The following ESRRG variants were observed in gnomAD, a reference collection of about 807,000 sequenced individuals.
ESRRG encodes estrogen-related receptor gamma.
A neutral mutation model predicts 44.0 loss-of-function variants in ESRRG; 13 were observed. That is an observed-to-expected ratio of 0.30 (90% CI 0.19 to 0.47). The LOEUF (loss-of-function observed/expected upper bound fraction) is 0.47. ESRRG is among the 20% of genes least tolerant of loss of function. The probability of loss-of-function intolerance (pLI) is 1.00; values close to 1 mark genes in which losing one functional copy is unlikely to be tolerated. For synonymous variants in ESRRG, 215 were observed against 214.6 expected, an observed-to-expected ratio of 1.00 and a Z score of -0.02; for missense variants, 395 against 580.6, an observed-to-expected ratio of 0.68 and a Z score of 3.29.
intron 3 of ESRRG, among the ~76,000 whole-genome samples, chr1:216,643,766 T>G (rs2066929897): frequency 6.6e-6 from 1 of 152,210 alleles, no homozygotes; most frequent in African/African-American, 2.4e-5. Context: ...AACAGAATCC[T>G]AAGGAAAAGT....
chr1:216,652,249 A>C (rs1390762057), intron 2 of ESRRG, among the ~76,000 whole-genome samples: 4 of 152,182 alleles, frequency 2.6e-5, no homozygotes, highest in Admixed American at 6.5e-5. Flanking sequence ...CGCAGATTCT[A>C]GTAATTAGCA....
chr1:216,808,139 G>T (rs1329272769), intron 2 of ESRRG, among the ~76,000 whole-genome samples: 1 of 151,980 alleles, frequency 6.6e-6, no homozygotes, highest in Non-Finnish European at 1.5e-5. Context: ...TTCAGGGAGG[G>T]GTCTCTTTGA....
At chr1:216,655,206 T>A (rs1178944146) in intron 2 of ESRRG, among the ~76,000 whole-genome samples, 1 of 152,210 alleles carries the variant, frequency 6.6e-6, no homozygotes. Flanking sequence ...TGTTGAATCC[T>A]CAGTGCTAAT....
intron 5 of ESRRG, among the ~76,000 whole-genome samples, chr1:216,550,915 T>C (rs2056125996): frequency 6.6e-6 from 1 of 152,130 alleles, no homozygotes; most frequent in Non-Finnish European, 1.5e-5. Context: ...TCAGGCAGAT[T>C]CTGGCTCTCA....
intron 2 of ESRRG, among the ~76,000 whole-genome samples, chr1:216,900,827 C>T (rs1223431141): frequency 6.6e-6 from 1 of 152,154 alleles, no homozygotes; most frequent in Admixed American, 6.5e-5. Context: ...GAGAGAACTC[C>T]AGGACATGTA....
intron 1 of ESRRG, among the ~76,000 whole-genome samples, chr1:216,993,644 T>G (rs1308327745): frequency 6.6e-6 from 1 of 152,094 alleles, no homozygotes; most frequent in Non-Finnish European, 1.5e-5. Context: ...GTGACAGATA[T>G]TCCCGTACCG....
At chr1:216,527,874 A>G (rs1385807255) in intron 5 of ESRRG, among the ~76,000 whole-genome samples, 1 of 152,128 alleles carries the variant, frequency 6.6e-6, no homozygotes, top group East Asian at 1.9e-4. Flanking sequence ...AAGGGAGTGG[A>G]TGTGAAGATC....
intron 1 of ESRRG, among the ~76,000 whole-genome samples, chr1:216,948,591 A>G (rs1051333808): frequency 6.6e-6 from 1 of 151,728 alleles, no homozygotes; most frequent in Non-Finnish European, 1.5e-5. Context: ...TCTACTATAT[A>G]TAGTATTATG....
intron 2 of ESRRG, among the ~76,000 whole-genome samples, chr1:216,731,561 T>C (rs1432414812): frequency 6.6e-6 from 1 of 152,190 alleles, no homozygotes; most frequent in Non-Finnish European, 1.5e-5. Flanking sequence ...AAACCACATT[T>C]TGGATGCAAA....
At chr1:216,562,243 C>A (rs562439652) in intron 5 of ESRRG, among the ~76,000 whole-genome samples, 5 of 152,260 alleles carry the variant, frequency 3.3e-5, no homozygotes, top group Non-Finnish European at 7.3e-5. Context: ...AGTGACACAG[C>A]TTTTCACGCT....
At chr1:216,760,976 TCG>T (rs2092736602) in intron 2 of ESRRG, among the ~76,000 whole-genome samples, 1 of 151,972 alleles carries the variant, frequency 6.6e-6, no homozygotes, top group South Asian at 2.1e-4. Flanking sequence ...TGCAAGTCTC[TCG>T]TTTGCTCAGT....
chr1:217,000,851 A>G (rs1553764602), intron 1 of ESRRG: 2 of 152,232 alleles, frequency 1.3e-5, no homozygotes, highest in South Asian at 4.1e-4. Flanking sequence ...TTCCATGCCA[A>G]TTGAAACTCC....
intron 1 of ESRRG, among the ~76,000 whole-genome samples, chr1:216,961,667 G>A (rs1449039545): frequency 6.6e-6 from 1 of 151,284 alleles, no homozygotes; most frequent in Non-Finnish European, 1.5e-5. Flanking sequence ...TTCTACGGCA[G>A]CATATGTAAA....
At chr1:216,777,742 C>A (rs1240839528) in intron 2 of ESRRG, among the ~76,000 whole-genome samples, 1 of 152,132 alleles carries the variant, frequency 6.6e-6, no homozygotes, top group African/African-American at 2.4e-5. Flanking sequence ...TCCTTTCTCT[C>A]TCTTTCTTAT....
chr1:217,065,726 C>T, intron 1 of ESRRG, among the ~76,000 whole-genome samples: 1 of 152,206 alleles, frequency 6.6e-6, no homozygotes, highest in East Asian at 1.9e-4. Flanking sequence ...ATGGGATCAG[C>T]TGCAGAACTG....
intron 2 of ESRRG, among the ~76,000 whole-genome samples, chr1:216,907,719 G>A (rs2059843216): frequency 6.6e-6 from 1 of 152,142 alleles, no homozygotes; most frequent in South Asian, 2.1e-4. Flanking sequence ...TTTTTAAAGA[G>A]TGCATAATCT....
chr1:217,121,742 C>A (rs192005305), intron 1 of ESRRG, among the ~76,000 whole-genome samples: 124 of 152,274 alleles, frequency 8.1e-4, no homozygotes, highest in African/African-American at 2.8e-3. Flanking sequence ...TTTAAATCCA[C>A]TGGGATTTAA....
chr1:216,751,372 T>C (rs565118511), intron 2 of ESRRG, among the ~76,000 whole-genome samples: 1 of 152,272 alleles, frequency 6.6e-6, no homozygotes, highest in East Asian at 1.9e-4. Flanking sequence ...TGCAGAATTA[T>C]TACCATATTC....
At chr1:216,568,174 C>A in intron 3 of ESRRG, 76 bp from the exon 4 acceptor site, 2 of 988,298 alleles carry the variant, frequency 2.0e-6, no homozygotes, top group South Asian at 2.6e-5. Context: ...AGATGGTATC[C>A]CCCAAGAGCA....
Sources: allele counts gnomAD v4.1 joint callset (sites outside exome capture counted in the v4.1 genomes callset), GRCh38; gene constraint gnomAD v4.1.1; transcripts MANE v1.5; gene names NCBI Gene and HGNC (gene_info 2026-07-23, HGNC 2026-07-21).